JAG1: variants seen among roughly 807,000 people sequenced by gnomAD.
JAG1 encodes the protein jagged canonical Notch ligand 1, also known as protein jagged-1.
In JAG1, 23 loss-of-function variants were observed where a neutral mutation model predicts 148.7. That is an observed-to-expected ratio of 0.15 (90% CI 0.11 to 0.22). The LOEUF (loss-of-function observed/expected upper bound fraction) is 0.22, where lower values mean the gene tolerates loss of function less well. Among genes scored for constraint, JAG1 ranks in the 10% least tolerant of loss-of-function variants. The pLI is 1.00. For synonymous variants in JAG1, 572 were observed against 598.3 expected (o/e 0.96, Z 0.64); for missense variants, 1,054 against 1,611.2 (o/e 0.65, Z 5.92).
At chr20:10,652,346 G>T in intron 6 of JAG1, 96 bp from the exon 7 acceptor site, 5 of 1,599,046 alleles carry the variant, frequency 3.1e-6, no homozygotes, top group Non-Finnish European at 4.3e-6. Flanking sequence ...AGAAAAACCA[G>T]AAAACCCACA....
At chr20:10,651,005 T>G (rs1600185129) in intron 8 of JAG1, 1 of 160,198 alleles carries the variant, frequency 6.2e-6, no homozygotes, top group East Asian at 1.8e-4. Flanking sequence ...TCCACATCCA[T>G]AACCACACCT....
chr20:10,653,704 G>A (rs1395290068), intron 5 of JAG1, among the ~76,000 whole-genome samples: 6 of 152,068 alleles, frequency 3.9e-5, no homozygotes, highest in Admixed American at 1.3e-4. Context: ...AACAACCCCC[G>A]CCCCCTCTAG....
intron 12 of JAG1, 101 bp from the exon 13 acceptor site, chr20:10,648,211 C>A: frequency 7.2e-7 from 1 of 1,390,172 alleles, no homozygotes; most frequent in Non-Finnish European, 1.0e-6. Context: ...CTGACAGTTC[C>A]TTCGGTTTCT....
chr20:10,666,417 C>T (rs915123288), intron 2 of JAG1, among the ~76,000 whole-genome samples: 1 of 152,108 alleles, frequency 6.6e-6, no homozygotes, highest in African/African-American at 2.4e-5. Context: ...TCCACTATGC[C>T]GAAGTCACAT....
Position 10,638,081 on chromosome 20 carries a change from T to C in JAG1, c.*1417A>G, listed in dbSNP as rs1443898569. ...TGTTCATATAACACTAATAGGACAA[T>C]ACAAAGTATCTTCACGGTCTCAATG... On this transcript the variant is annotated 3_prime_UTR_variant, in exon 26 of 26. Transcript: ENST00000254958. The C allele has an allele frequency of 1.3e-5, 2 of 152,684 alleles. No homozygotes were observed. The highest frequency in any genetic ancestry group is 3.8e-4 in the East Asian group (2 of 5,202). 9.5% of individuals were successfully genotyped at this position (152,684 alleles called of 1,614,324 possible). A position where few individuals can be genotyped will look rare whatever the true frequency, so the allele number is the denominator to read the frequency against.
intron 3 of JAG1, 45 bp from the exon 4 acceptor site, chr20:10,658,767 T>G (rs775844566): frequency 3.5e-5 from 57 of 1,609,482 alleles, no homozygotes; most frequent in Non-Finnish European, 4.4e-5. Context: ...CATTGCAGCC[T>G]TCTTCCCTGA....
chr20:10,649,298 T>C (rs2122610058), intron 10 of JAG1, among the ~76,000 whole-genome samples, 191 bp from the exon 11 acceptor site: 1 of 152,244 alleles, frequency 6.6e-6, no homozygotes, highest in African/African-American at 2.4e-5. Flanking sequence ...AAACTTCACA[T>C]CATTGTTTCA....
In JAG1 at chr20:10,648,645, A is replaced by G; in HGVS notation, c.1473T>C (p.Cys491=). The G allele has an allele frequency of 6.2e-7, 1 of 1,614,176 alleles. No individual in the cohort carries two copies. Among genetic ancestry groups the G allele is most frequent in the South Asian group, 1.1e-5 (1 of 91,088 alleles). Residue 491 remains cysteine, a synonymous_variant, in exon 12 of 26, where the codon TGT becomes TGC. Coordinates refer to ENST00000254958, the MANE Select transcript of JAG1 (RefSeq NM_000214.3). The stretch of plus-strand genomic sequence containing the variant: ...CCCCATTCAAACAGGGGTTGCTGGC[A>G]CATTCATCGATGTCTCTCTCACAGT... ...GDHCERDIDE[C]ASNPCLNGGH... is the part of the protein sequence containing the mutation.
chr20:10,643,705 A>G (rs2122600273), intron 20 of JAG1, 73 bp downstream of exon 20: 1 of 1,164,306 alleles, frequency 8.6e-7, no homozygotes, highest in East Asian at 2.4e-5. Context: ...GTTTTTAAAG[A>G]TGAAAGTCTT....
intron 3 of JAG1, chr20:10,662,154 A>G (rs2067421540): frequency 6.6e-6 from 1 of 152,204 alleles, no homozygotes; most frequent in South Asian, 2.1e-4. Context: ...GTGAGTTTTG[A>G]TAACCTGCAA....
At chr20:10,668,410 G>A (rs983582749) in intron 2 of JAG1, among the ~76,000 whole-genome samples, 4 of 152,224 alleles carry the variant, frequency 2.6e-5, no homozygotes, top group Non-Finnish European at 5.9e-5. Flanking sequence ...GGGGTAGGTG[G>A]AAGAGCAACA....
At chr20:10,652,695 T>C in intron 5 of JAG1, 97 bp from the exon 6 acceptor site, 3 of 1,380,828 alleles carry the variant, frequency 2.2e-6, no homozygotes, top group Non-Finnish European at 2.0e-6. Flanking sequence ...GCTTTTTCTG[T>C]TTTGTTTCTG....
At chr20:10,652,955 C>T (rs578029642) in intron 5 of JAG1, among the ~76,000 whole-genome samples, 3 of 152,258 alleles carry the variant, frequency 2.0e-5, no homozygotes, top group Non-Finnish European at 2.9e-5. Flanking sequence ...AGGACTCTCT[C>T]GGTGACAAGA....
At chr20:10,642,656 G>C (rs1211253009) in intron 20 of JAG1, 55 bp from the exon 21 acceptor site, 2 of 1,061,674 alleles carry the variant, frequency 1.9e-6, no homozygotes, top group Non-Finnish European at 2.9e-6. Flanking sequence ...AATGTTTTGA[G>C]ATTGTTTTTA....
chr20:10,646,224 T>C, intron 14 of JAG1, 140 bp from the exon 15 acceptor site: 1 of 698,028 alleles, frequency 1.4e-6, no homozygotes, highest in East Asian at 2.7e-5. Context: ...GGGCTGTTTC[T>C]CAAATTAGAC....
At chr20:10,659,658 C>A (rs6040061) in intron 3 of JAG1, among the ~76,000 whole-genome samples, 82,334 of 149,572 alleles carry the variant, frequency 0.55, 22,703 homozygotes, top group East Asian at 0.71. Context: ...TGCATTCCAC[C>A]TTTCTCCTCT....
chr20:10,648,451 A>T, intron 12 of JAG1, 98 bp downstream of exon 12: 1 of 1,036,382 alleles, frequency 9.6e-7, no homozygotes, highest in Non-Finnish European at 1.5e-6. Context: ...ATGTTAGGAA[A>T]TTCCAGACAC....
At chr20:10,644,304 A>T in intron 19 of JAG1, 53 bp downstream of exon 19, 1 of 1,373,510 alleles carries the variant, frequency 7.3e-7, no homozygotes, top group East Asian at 2.3e-5. Context: ...ACACACACAC[A>T]CACACACACA....
intron 23 of JAG1, 34 bp downstream of exon 23, chr20:10,641,426 A>G: frequency 6.4e-7 from 1 of 1,555,214 alleles, no homozygotes; most frequent in Non-Finnish European, 8.8e-7. Flanking sequence ...GCAGACATCC[A>G]CCATTCAAAA....
Sources: gnomAD v4.1 joint callset for allele counts (sites outside exome capture counted in the v4.1 genomes callset) on GRCh38, gnomAD v4.1.1 for gene constraint, MANE v1.5 for transcripts, NCBI Gene and HGNC (gene_info 2026-07-23, HGNC 2026-07-21) for gene names.